Variants in CRY2 observed in about 807,000 individuals in gnomAD.
CRY2 encodes cryptochrome-2.
A neutral mutation model predicts 69.5 loss-of-function variants in CRY2; 31 were observed. That is an observed-to-expected ratio of 0.45 (90% confidence interval 0.34 to 0.60). The LOEUF is 0.60. Ranked by LOEUF, CRY2 falls within the 20% of genes least tolerant of loss-of-function variation. The pLI, the probability that CRY2 is intolerant of heterozygous loss-of-function variation, is 0.02. For missense variants in CRY2, 606 were observed against 797.8 expected (o/e 0.76, Z 2.90); for synonymous variants, 303 against 312.2 (o/e 0.97, Z 0.31).
In CRY2 at chr11:45,882,263, A is replaced by AGTGTGTGTGT. The variant is rs3061865; in HGVS notation, c.*1360_*1369dup. ...CCTGTGGCCTGCACTTGAGCCACAA[A>AGTGTGTGTGT]GTGTGTGTGTGTGTGTGCGTGTGTG... On this transcript the variant is annotated 3_prime_UTR_variant, in exon 12 of 12. Coordinates refer to ENST00000616080, the MANE Select transcript of CRY2 (RefSeq NM_021117.5). 5.3e-6 allele frequency: 1 copy of AGTGTGTGTGT among 188,478 alleles called. No homozygotes were observed. Among genetic ancestry groups the AGTGTGTGTGT allele is most frequent in the Admixed American group, 6.2e-5 (1 of 16,168 alleles). 11.7% of individuals were successfully genotyped at this position (188,478 alleles called of 1,614,324 possible). A position where few individuals can be genotyped will look rare whatever the true frequency, so the allele number is the denominator to read the frequency against.
At chr11:45,853,945 C>T (rs1172157982) in intron 1 of CRY2, among the ~76,000 whole-genome samples, 1 of 152,268 alleles carries the variant, frequency 6.6e-6, no homozygotes, top group Non-Finnish European at 1.5e-5. Context: ...GAGTCTTCCT[C>T]ATGCTCTTTT....
At chr11:45,868,575 T>C (rs1171930978) in intron 6 of CRY2, among the ~76,000 whole-genome samples, 3 of 152,152 alleles carry the variant, frequency 2.0e-5, no homozygotes, top group Non-Finnish European at 4.4e-5. Context: ...TGCCTTGGCC[T>C]CCCACAGTGC....
At chr11:45,860,103 A>G (rs748085141) in intron 3 of CRY2, among the ~76,000 whole-genome samples, 3 of 152,174 alleles carry the variant, frequency 2.0e-5, no homozygotes, top group Admixed American at 6.5e-5. Flanking sequence ...TACCATCCCA[A>G]TTCATCCTTA....
intron 1 of CRY2, among the ~76,000 whole-genome samples, chr11:45,851,798 T>G (rs923928506): frequency 7.9e-5 from 12 of 152,206 alleles, no homozygotes; most frequent in African/African-American, 2.9e-4. Flanking sequence ...TCTATTAATA[T>G]CCTATGTAGC....
intron 3 of CRY2, among the ~76,000 whole-genome samples, chr11:45,860,388 A>AG (rs1421175283): frequency 1.7e-5 from 2 of 117,056 alleles, no homozygotes; most frequent in Non-Finnish European, 3.6e-5. Flanking sequence ...GTTAGAGTTA[A>AG]AAAAAAAAAA....
At chr11:45,859,788 G>A (rs547546457) in intron 3 of CRY2, among the ~76,000 whole-genome samples, 1 of 152,116 alleles carries the variant, frequency 6.6e-6, no homozygotes, top group African/African-American at 2.4e-5. Context: ...TGCTGCTGCT[G>A]TTGCTGCTGC....
chr11:45,865,264 A>G (rs1401926337), intron 5 of CRY2, among the ~76,000 whole-genome samples: 4 of 152,196 alleles, frequency 2.6e-5, no homozygotes, highest in Non-Finnish European at 2.9e-5. Flanking sequence ...TAGGGGTTGC[A>G]TATACTGGGG....
At position 45,847,619 on chromosome 11, in the gene CRY2, C is replaced by A. The variant is rs201003435; in HGVS notation, c.129C>A (p.Ala43=). Residue 43 remains alanine, a synonymous_variant, in exon 1 of 12, where the codon GCC becomes GCA. Coordinates refer to ENST00000616080, the MANE Select transcript of CRY2 (RefSeq NM_021117.5). ...ACGACAACCCGGCGTTGCTGGCGGC[C>A]GTGCGCGGGGCGCGCTGCGTGCGCT... ...RLHDNPALLA[A]VRGARCVRCV... is the part of the protein sequence containing the mutation. The A allele has an allele frequency of 1.9e-5, 31 of 1,604,696 alleles. No homozygotes were observed. The highest frequency in any genetic ancestry group is 2.7e-5 in the African/African-American group (2 of 74,974).
chr11:45,854,487 C>A (rs2086223984), intron 1 of CRY2, among the ~76,000 whole-genome samples: 1 of 152,124 alleles, frequency 6.6e-6, no homozygotes, highest in South Asian at 2.1e-4. Context: ...AGTTCAAGAC[C>A]AACCTGGCCA....
intron 1 of CRY2, among the ~76,000 whole-genome samples, chr11:45,851,925 C>G (rs931548465): frequency 6.6e-6 from 1 of 152,164 alleles, no homozygotes; most frequent in Admixed American, 6.5e-5. Flanking sequence ...CTCCCTCCCC[C>G]CATTAACAAC....
chr11:45,872,253 A>G lies in CRY2; in HGVS notation c.*2+20A>G, dbSNP rs1182027599. 1.9e-6 allele frequency: 3 copies of G among 1,610,338 alleles called. No homozygotes were observed. On this transcript the variant is annotated intron_variant, in intron 11 of 11. Coordinates refer to ENST00000616080, the MANE Select transcript of CRY2 (RefSeq NM_021117.5). ...CTGAGAGTGAGTGACAGCAGCCTAG[A>G]TTCAACCTCAGGAAGGAAGTTGGGA...
intron 6 of CRY2, among the ~76,000 whole-genome samples, chr11:45,868,519 A>G (rs998034536): frequency 3.9e-5 from 6 of 152,050 alleles, no homozygotes; most frequent in Admixed American, 6.5e-5. Flanking sequence ...GGGTCTTGCT[A>G]TGTTGCCCAG....
At chr11:45,858,901 TA>T in intron 3 of CRY2, 28 bp downstream of exon 3, 1 of 1,606,004 alleles carries the variant, frequency 6.2e-7, no homozygotes. Context: ...GGGATCAGGT[TA>T]CCAATTGTGA....
intron 11 of CRY2, among the ~76,000 whole-genome samples, chr11:45,876,140 T>C (rs1160140937): frequency 2.0e-5 from 3 of 152,240 alleles, no homozygotes; most frequent in Non-Finnish European, 4.4e-5. Flanking sequence ...CCATAGCCTT[T>C]CTGCCATGCT....
intron 2 of CRY2, among the ~76,000 whole-genome samples, chr11:45,857,341 A>G (rs1338920182): frequency 6.6e-6 from 1 of 152,134 alleles, no homozygotes; most frequent in Non-Finnish European, 1.5e-5. Context: ...TTAATAAGTG[A>G]CGATCTTGGA....
Position 45,847,487 on chromosome 11 carries a change from A to T in CRY2, c.-4A>T. On this transcript the variant is annotated 5_prime_UTR_variant, in exon 1 of 12. Transcript: ENST00000616080. Reference sequence around the variant, plus strand: ...CGGGGGTGGCTGGAGCAGTCTGGACAGTCATGGCGGCGACTGTGGCGACGG... The same window carrying T: ...CGGGGGTGGCTGGAGCAGTCTGGACTGTCATGGCGGCGACTGTGGCGACGG... 6.2e-7 allele frequency: 1 copy of T among 1,600,346 alleles called. No homozygotes were observed. Among genetic ancestry groups the T allele is most frequent in the Non-Finnish European group, 8.5e-7 (1 of 1,177,180 alleles).
intron 5 of CRY2, among the ~76,000 whole-genome samples, chr11:45,864,310 AAATT>A (rs1399970716): frequency 6.6e-6 from 1 of 152,246 alleles, no homozygotes; most frequent in Non-Finnish European, 1.5e-5. Flanking sequence ...GATTAAAAGA[AAATT>A]AAATAACATA....
At chr11:45,862,726 C>T (rs768254399) in intron 5 of CRY2, among the ~76,000 whole-genome samples, 13 of 152,152 alleles carry the variant, frequency 8.5e-5, no homozygotes, top group Non-Finnish European at 1.6e-4. Flanking sequence ...TGTGTCTCCG[C>T]ACCTTTTTGC....
intron 9 of CRY2, 133 bp from the exon 10 acceptor site, chr11:45,870,709 G>A: frequency 9.2e-7 from 1 of 1,086,970 alleles, no homozygotes; most frequent in Non-Finnish European, 1.3e-6. Flanking sequence ...CTGAGTAGTT[G>A]TGGGGCTGTG....
Sources: gnomAD v4.1 joint callset for allele counts (sites outside exome capture counted in the v4.1 genomes callset) on GRCh38, gnomAD v4.1.1 for gene constraint, MANE v1.5 for transcripts, NCBI Gene and HGNC (gene_info 2026-07-23, HGNC 2026-07-21) for gene names.